UTP4: variants seen among roughly 807,000 people sequenced by gnomAD.
The protein encoded by UTP4 is UTP4 small subunit processome component.
In UTP4, 45 loss-of-function variants were observed where a neutral mutation model predicts 82.4. The ratio of observed to expected loss-of-function variants is 0.55; its 90% confidence interval spans 0.43 to 0.70. The LOEUF is 0.70. Among genes scored for constraint, UTP4 ranks in the 30% least tolerant of loss-of-function variants. The pLI, the probability that UTP4 is intolerant of heterozygous loss-of-function variation, is 0.00. For missense variants in UTP4, 819 were observed against 858.3 expected (o/e 0.95, Z 0.57); for synonymous variants, 348 against 300.3 (o/e 1.16, Z -1.64).
At chr16:69,140,130 C>T (rs1292132534) in intron 5 of UTP4, among the ~76,000 whole-genome samples, 1 of 152,138 alleles carries the variant, frequency 6.6e-6, no homozygotes, top group Non-Finnish European at 1.5e-5. Flanking sequence ...TAGTATTTTT[C>T]ATTCATCGTA....
chr16:69,153,525 G>A, intron 8 of UTP4, 59 bp from the exon 9 acceptor site: 1 of 1,135,852 alleles, frequency 8.8e-7, no homozygotes. Flanking sequence ...ACTGTATCTG[G>A]TACTAAGGCA....
intron 6 of UTP4, 110 bp downstream of exon 6, chr16:69,143,499 C>A: frequency 3.1e-6 from 3 of 965,908 alleles, no homozygotes; most frequent in Non-Finnish European, 4.9e-6. Flanking sequence ...TGATGTTGTA[C>A]TGGAGGAAGA....
intron 6 of UTP4, among the ~76,000 whole-genome samples, chr16:69,145,089 C>CCGA (rs1177345123): frequency 6.6e-6 from 1 of 151,696 alleles, no homozygotes; most frequent in Non-Finnish European, 1.5e-5. Context: ...TTGCAGTGAG[C>CCGA]CGAGATCATG....
rs113332543 is a variant in UTP4, at chr16:69,162,116, C to T, written c.1552-967C>T. ...CTGAGTAGCTGGGATTACAGGTGCA[C>T]GCCACCACACCCAGCTAATTTTTTT... On this transcript the variant is annotated intron_variant, in intron 13 of 16. Coordinates refer to ENST00000314423, the MANE Select transcript of UTP4 (RefSeq NM_032830.3). Among the ~76,000 whole-genome samples, 16 of 151,742 alleles carry T rather than the reference C, an allele frequency of 1.1e-4. No homozygotes were observed. The South Asian group carries it at 1.5e-3, about 14-fold the overall frequency.
intron 6 of UTP4, among the ~76,000 whole-genome samples, chr16:69,147,025 A>G (rs1174404157): frequency 1.4e-5 from 2 of 147,748 alleles, no homozygotes; most frequent in Non-Finnish European, 3.0e-5. Flanking sequence ...AAAAAATACA[A>G]AAATTAGCCT....
rs1230570839 is a variant in UTP4 at position 69,155,768 on chromosome 16, T to C, written c.1165-103T>C. On this transcript the variant is annotated intron_variant, in intron 10 of 16. Transcript: ENST00000314423. ...AGGATCGAGATTATGTGTAGATATC[T>C]GTGGGTATGTCCAGAGTGGCAAGAG... 3 of 1,147,184 alleles carry C rather than the reference T, an allele frequency of 2.6e-6. No individual in the cohort carries two copies. In the African/African-American group the frequency reaches 4.7e-5, roughly 18 times the overall value. The allele number at this position is 1,147,184 out of a possible 1,614,324, so 71.1% of individuals were successfully genotyped here.
intron 6 of UTP4, among the ~76,000 whole-genome samples, chr16:69,149,746 T>C (rs1963210239): frequency 6.6e-6 from 1 of 152,126 alleles, no homozygotes; most frequent in African/African-American, 2.4e-5. Flanking sequence ...TTTCTTTTTT[T>C]AAGCCAGAGT....
At chr16:69,157,277 G>T in intron 12 of UTP4, 37 bp downstream of exon 12, 3 of 1,609,466 alleles carry the variant, frequency 1.9e-6, no homozygotes, top group Non-Finnish European at 2.5e-6. Flanking sequence ...GAGACTTGTC[G>T]TGTCTAAGAT....
At chr16:69,148,054 C>T (rs1434809926) in intron 6 of UTP4, among the ~76,000 whole-genome samples, 2 of 152,002 alleles carry the variant, frequency 1.3e-5, no homozygotes, top group African/African-American at 2.4e-5. Context: ...CCCTGGTTCA[C>T]GCCCCATTCT....
intron 1 of UTP4, chr16:69,133,144 A>G (rs557761811): frequency 1.3e-4 from 51 of 380,410 alleles, no homozygotes; most frequent in South Asian, 1.2e-3. Context: ...TTGTTTGCAA[A>G]CTTAGCAATA....
chr16:69,146,735 G>A (rs943987109), intron 6 of UTP4, among the ~76,000 whole-genome samples: 5 of 151,900 alleles, frequency 3.3e-5, no homozygotes, highest in Non-Finnish European at 5.9e-5. Flanking sequence ...GGTGGCTCAC[G>A]CCTGTAATCC....
In UTP4 at chr16:69,150,650, G is replaced by A. The variant is rs560745402; in HGVS notation, c.852G>A (p.Gln284=). The part of the protein sequence containing the change: ...EKQWVRTKPF[Q]HHTHDVRTVA... ...AGTGGGTGCGGACAAAACCGTTCCA[G>A]CATCACACTCATGACGTGCGCACTG... is the stretch of plus-strand genomic sequence containing the variant. Residue 284 remains glutamine, a synonymous_variant, in exon 7 of 17, where the codon CAG becomes CAA. Coordinates refer to ENST00000314423, the MANE Select transcript of UTP4 (RefSeq NM_032830.3). The A allele has an allele frequency of 2.0e-4, 323 of 1,614,222 alleles. 1 individual carries two copies. In the South Asian group the frequency reaches 3.4e-3, roughly 17 times the overall value.
In UTP4 at chr16:69,164,838, G is replaced by A. The variant is rs140707313; in HGVS notation, c.1648-503G>A. ...TGTGTATTAATGTGGGTCAGTCTCC[G>A]TGATATAACACTGAGCAACAAAAGC... On this transcript the variant is annotated intron_variant, in intron 14 of 16. Transcript: ENST00000314423. Among the ~76,000 whole-genome samples the A allele has an allele frequency of 6.7e-3, 1,022 of 151,984 alleles. 6 individuals carry two copies. The highest frequency in any genetic ancestry group is 0.011 in the Non-Finnish European group (768 of 67,982).
Position 69,163,055 on chromosome 16 carries a change from G to T in UTP4, c.1552-28G>T, listed in dbSNP as rs747296817. ...CTGAGGAAAAGTGTCACTTAGAGTT[G>T]CCACTTGTGTCTGTTATTTGTTCCC... On this transcript the variant is annotated intron_variant, in intron 13 of 16. Coordinates refer to ENST00000314423, the MANE Select transcript of UTP4 (RefSeq NM_032830.3). The T allele has an allele frequency of 6.4e-6, 10 of 1,554,552 alleles. No homozygotes were observed. The African/African-American group carries it at 1.2e-4, about 19-fold the overall frequency.
At chr16:69,138,447 A>T (rs1417798590) in intron 4 of UTP4, among the ~76,000 whole-genome samples, 1 of 152,130 alleles carries the variant, frequency 6.6e-6, no homozygotes, top group Admixed American at 6.5e-5. Context: ...CATGTTGGCC[A>T]GGCTGGTCTC....
chr16:69,138,146 A>G (rs1470495999), intron 4 of UTP4: 3 of 489,036 alleles, frequency 6.1e-6, no homozygotes, highest in Non-Finnish European at 1.1e-5. Flanking sequence ...TCAATTTGTT[A>G]GTTATCACTT....
At chr16:69,134,354 A>G (rs190599187) in intron 2 of UTP4, among the ~76,000 whole-genome samples, 3 of 152,236 alleles carry the variant, frequency 2.0e-5, no homozygotes, top group African/African-American at 7.2e-5. Context: ...AGTGGCAAAT[A>G]CTGGGCACTA....
Position 69,165,546 on chromosome 16 carries a change from C to G in UTP4, c.1833+20C>G, listed in dbSNP as rs756514793. On this transcript the variant is annotated intron_variant, in intron 15 of 16. Coordinates refer to ENST00000314423, the MANE Select transcript of UTP4 (RefSeq NM_032830.3). ...TCATTGGTGAGTTCTTCACTGCTAC[C>G]TCCCAAATCTTCTTCTGAATCTTAA... is the stretch of plus-strand genomic sequence containing the variant. The G allele has an allele frequency of 1.3e-6, 2 of 1,597,804 alleles. No individual in the cohort carries two copies. The highest frequency in any genetic ancestry group is 2.7e-5 in the African/African-American group (2 of 74,690).
rs76630153 is a variant in UTP4, at chr16:69,147,510, A to C, written c.739-3027A>C. 4.6e-3 allele frequency among the ~76,000 whole-genome samples: 704 copies of C among 152,272 alleles called. 31 individuals carry two copies. In the South Asian group the frequency reaches 0.09, roughly 20 times the overall value. ...ACAGAGCAAGACTCTGTCTCCAAACAAACAAACAAACAAAAAATAATAATG... is the reference window on the plus strand; with the variant it reads ...ACAGAGCAAGACTCTGTCTCCAAACCAACAAACAAACAAAAAATAATAATG... On this transcript the variant is annotated intron_variant, in intron 6 of 16. Coordinates refer to ENST00000314423, the MANE Select transcript of UTP4 (RefSeq NM_032830.3).
Sources: gnomAD v4.1 joint callset for allele counts (sites outside exome capture counted in the v4.1 genomes callset) on GRCh38, gnomAD v4.1.1 for gene constraint, MANE v1.5 for transcripts, NCBI Gene and HGNC (gene_info 2026-07-23, HGNC 2026-07-21) for gene names.